Variants in LYPLAL1 observed in about 807,000 individuals in gnomAD.
LYPLAL1 encodes lysophospholipase-like protein 1.
In LYPLAL1, 23 loss-of-function variants were observed where a neutral mutation model predicts 19.7. The observed-to-expected ratio is 1.17, with a 90% CI of 0.84 to 1.65. LYPLAL1 has a LOEUF of 1.65. Ranked by LOEUF, LYPLAL1 falls within the 40% of genes most tolerant of loss-of-function variation. The pLI is 0.00. For missense variants in LYPLAL1, 355 were observed against 279.4 expected (o/e 1.27, Z -1.93); for synonymous variants, 119 against 96.3 (o/e 1.24, Z -1.38).
intron 3 of LYPLAL1, among the ~76,000 whole-genome samples, chr1:219,201,670 A>G (rs1191790684): frequency 6.6e-6 from 1 of 152,150 alleles, no homozygotes; most frequent in Non-Finnish European, 1.5e-5. Flanking sequence ...CTACATTGAG[A>G]TACAGAAAGA....
the LYPLAL1 span, among the ~76,000 whole-genome samples, chr1:219,322,603 G>C: frequency 6.6e-6 from 1 of 152,164 alleles, no homozygotes. Flanking sequence ...AGGAGAAATT[G>C]TTTACTTGAA....
the LYPLAL1 span, among the ~76,000 whole-genome samples, chr1:219,287,479 CAAT>C: frequency 2.6e-5 from 4 of 152,228 alleles, no homozygotes; most frequent in East Asian, 1.9e-4. Flanking sequence ...ATTGAAACAA[CAAT>C]GAGATACCTA....
At chr1:219,411,659 A>G in the LYPLAL1 span, 1 of 152,366 alleles carries the variant, frequency 6.6e-6, no homozygotes, top group Non-Finnish European at 1.5e-5. Flanking sequence ...GCTCTGCAAT[A>G]AATCTTGCTA....
the LYPLAL1 span, among the ~76,000 whole-genome samples, chr1:219,291,038 G>A: frequency 6.6e-6 from 1 of 152,064 alleles, no homozygotes; most frequent in Admixed American, 6.5e-5. Flanking sequence ...TGTAATATAG[G>A]GAATTAATAG....
At chr1:219,406,103 C>T in the LYPLAL1 span, among the ~76,000 whole-genome samples, 1 of 152,224 alleles carries the variant, frequency 6.6e-6, no homozygotes, top group Admixed American at 6.5e-5. Context: ...TTTGAGAATC[C>T]CATTTTCTTA....
At chr1:219,281,534 A>T in the LYPLAL1 span, among the ~76,000 whole-genome samples, 1 of 152,124 alleles carries the variant, frequency 6.6e-6, no homozygotes, top group East Asian at 1.9e-4. Context: ...AGTTCAGGAG[A>T]AGGTTTGGAA....
At chr1:219,303,280 CTAAA>C in the LYPLAL1 span, among the ~76,000 whole-genome samples, 1 of 152,080 alleles carries the variant, frequency 6.6e-6, no homozygotes, top group Non-Finnish European at 1.5e-5. Context: ...TAGCTATAAA[CTAAA>C]TAGACAAGTT....
At chr1:219,362,474 A>G in the LYPLAL1 span, among the ~76,000 whole-genome samples, 1 of 152,182 alleles carries the variant, frequency 6.6e-6, no homozygotes, top group African/African-American at 2.4e-5. Flanking sequence ...GAAGAACTCA[A>G]CGATTTCCAA....
chr1:219,248,884 C>T, the LYPLAL1 span, among the ~76,000 whole-genome samples: 14 of 151,996 alleles, frequency 9.2e-5, no homozygotes, highest in African/African-American at 1.4e-4. Context: ...TAGAAACAAG[C>T]ACTTTGGCAT....
chr1:219,422,095 G>T, the LYPLAL1 span, among the ~76,000 whole-genome samples: 5 of 152,188 alleles, frequency 3.3e-5, no homozygotes, highest in South Asian at 1.0e-3. Flanking sequence ...TTTTTCCCAA[G>T]GTTTCCATTT....
chr1:219,187,590 G>C (rs1524635), intron 2 of LYPLAL1, among the ~76,000 whole-genome samples: 43,901 of 151,328 alleles, frequency 0.29, 7,221 homozygotes, highest in Non-Finnish European at 0.38. Context: ...GTTTCTTTTG[G>C]TGTTTTAAAA....
chr1:219,439,994 C>G, the LYPLAL1 span, among the ~76,000 whole-genome samples: 633 of 117,636 alleles, frequency 5.4e-3, 6 homozygotes, highest in South Asian at 0.019. Flanking sequence ...TATATATACA[C>G]ACATATATAT....
the LYPLAL1 span, among the ~76,000 whole-genome samples, chr1:219,293,472 A>G: frequency 1.3e-5 from 2 of 151,766 alleles, no homozygotes; most frequent in African/African-American, 4.8e-5. Flanking sequence ...CCCTCCCCCA[A>G]CTTGGCAATT....
chr1:219,374,643 T>G, the LYPLAL1 span, among the ~76,000 whole-genome samples: 3 of 152,350 alleles, frequency 2.0e-5, no homozygotes, highest in South Asian at 6.2e-4. Flanking sequence ...TGAGACTGTT[T>G]AAGAATTGAT....
At chr1:219,240,270 A>G in the LYPLAL1 span, among the ~76,000 whole-genome samples, 33 of 152,310 alleles carry the variant, frequency 2.2e-4, no homozygotes, top group East Asian at 6.0e-3. Flanking sequence ...ACTTATAAAT[A>G]TCTGCATATT....
chr1:219,371,791 C>A, the LYPLAL1 span, among the ~76,000 whole-genome samples: 1 of 152,200 alleles, frequency 6.6e-6, no homozygotes, highest in African/African-American at 2.4e-5. Context: ...TTTTACTATG[C>A]AGCAGCACTA....
Position 219,211,583 on chromosome 1 carries a change from C to T in LYPLAL1, c.569C>T (p.Thr190Ile). ...ELVLHSWAEETNSMLKSLGVT... is the reference protein window; with the variant it reads ...ELVLHSWAEEINSMLKSLGVT... The stretch of plus-strand genomic sequence containing the variant: ...GTTCTTCATTCTTGGGCAGAAGAGA[C>T]AAACTCAATGTTAAAATCTCTAGGA... Residue 190 changes from threonine (T) to isoleucine (I), a missense_variant, in exon 5 of 5, where the codon ACA becomes ATA. Transcript: ENST00000366928. The T allele has an allele frequency of 1.2e-6, 2 of 1,613,328 alleles. No homozygotes were observed. The highest frequency in any genetic ancestry group is 3.3e-4 in the Middle Eastern group (2 of 6,050).
At position 219,212,372 on chromosome 1, in the gene LYPLAL1, C is replaced by T. The variant is rs1472479914; in HGVS notation, c.*644C>T. On this transcript the variant is annotated 3_prime_UTR_variant, in exon 5 of 5. Transcript: ENST00000366928. Reference sequence around the variant, plus strand: ...TCTCAATTTCATCTGTAAAATGATACTAATAGTACTTATCCCATTGGATTT... The same window carrying T: ...TCTCAATTTCATCTGTAAAATGATATTAATAGTACTTATCCCATTGGATTT... The T allele has an allele frequency of 6.6e-6, 1 of 151,850 alleles. No individual in the cohort carries two copies. The highest frequency in any genetic ancestry group is 2.4e-5 in the African/African-American group (1 of 41,366). 9.4% of individuals were successfully genotyped at this position (151,850 alleles called of 1,614,324 possible).
At chr1:219,239,064 T>C in the LYPLAL1 span, among the ~76,000 whole-genome samples, 1 of 152,236 alleles carries the variant, frequency 6.6e-6, no homozygotes, top group Non-Finnish European at 1.5e-5. Flanking sequence ...AATTATTTTC[T>C]ATTTCTCTGT....
Sources: gnomAD v4.1 joint callset for allele counts (sites outside exome capture counted in the v4.1 genomes callset) on GRCh38, gnomAD v4.1.1 for gene constraint, MANE v1.5 for transcripts, NCBI Gene and HGNC (gene_info 2026-07-23, HGNC 2026-07-21) for gene names.